Variants in CLVS1 observed in about 807,000 individuals in gnomAD.
CLVS1 encodes the protein clavesin 1.
A neutral mutation model predicts 33.1 loss-of-function variants in CLVS1; 10 were observed. The ratio of observed to expected loss-of-function variants is 0.30; its 90% CI spans 0.19 to 0.51. The LOEUF (loss-of-function observed/expected upper bound fraction) is 0.51. Among genes scored for constraint, CLVS1 ranks in the 20% least tolerant of loss-of-function variants. The pLI is 0.97. For synonymous variants in CLVS1, 163 were observed against 166.1 expected, an observed-to-expected ratio of 0.98 and a Z score of 0.14; for missense variants, 343 against 433.4, an observed-to-expected ratio of 0.79 and a Z score of 1.85.
chr8:61,037,441 T>C, the CLVS1 span, among the ~76,000 whole-genome samples: 2 of 152,208 alleles, frequency 1.3e-5, 1 homozygote, highest in Non-Finnish European at 2.9e-5. Flanking sequence ...GGTTCAGCCA[T>C]GTTGCAGGAA....
At chr8:61,381,223 C>T (rs1284342549) in intron 3 of CLVS1, among the ~76,000 whole-genome samples, 1 of 151,766 alleles carries the variant, frequency 6.6e-6, no homozygotes, top group Non-Finnish European at 1.5e-5. Context: ...CTTCTTCCAA[C>T]AGTTTTGAGC....
chr8:61,167,633 G>A (rs980498807), intron 2 of CLVS1, among the ~76,000 whole-genome samples: 1 of 152,222 alleles, frequency 6.6e-6, no homozygotes, highest in Non-Finnish European at 1.5e-5. Context: ...TGGGTAAAAT[G>A]AGGCTGAAAC....
chr8:61,382,573 A>C (rs1051723257), intron 3 of CLVS1, among the ~76,000 whole-genome samples: 1 of 152,168 alleles, frequency 6.6e-6, no homozygotes, highest in Non-Finnish European at 1.5e-5. Flanking sequence ...ATGCATATTA[A>C]AGTTTGAGAA....
chr8:60,991,271 A>G, the CLVS1 span, among the ~76,000 whole-genome samples: 1 of 152,136 alleles, frequency 6.6e-6, no homozygotes, highest in Non-Finnish European at 1.5e-5. Context: ...GGTAAAGAGG[A>G]AAAAAAATCT....
chr8:61,360,757 A>G (rs535597635), intron 2 of CLVS1, among the ~76,000 whole-genome samples: 1 of 152,282 alleles, frequency 6.6e-6, no homozygotes, highest in Admixed American at 6.5e-5. Flanking sequence ...AATAATAAAC[A>G]CAAGCTCTTT....
At position 61,202,509 on chromosome 8, in the gene CLVS1, A is replaced by G. The variant is rs186614573; in HGVS notation, c.-152+70649A>G. ...GAACGGTCAGTTTAGGGGCTGGTGC[A>G]AAGGATGAATTGCACATTGTTGAAG... On this transcript the variant is annotated intron_variant, in intron 2 of 2. Coordinates refer to the CLVS1 transcript ENST00000522621. 8.3e-5 allele frequency: 83 copies of G among 1,001,668 alleles called. No homozygotes were observed. In the African/African-American group the frequency reaches 1.2e-3, roughly 14 times the overall value. 62.0% of individuals were successfully genotyped at this position (1,001,668 alleles called of 1,614,324 possible). A position where few individuals can be genotyped will look rare whatever the true frequency, so the allele number is the denominator to read the frequency against.
intron 2 of CLVS1, among the ~76,000 whole-genome samples, chr8:61,178,885 C>T (rs1346878424): frequency 1.3e-5 from 2 of 152,122 alleles, no homozygotes; most frequent in Non-Finnish European, 2.9e-5. Flanking sequence ...TCCACCACTG[C>T]AAAAACACAC....
the CLVS1 span, among the ~76,000 whole-genome samples, chr8:61,022,354 T>A: frequency 2.0e-5 from 3 of 152,208 alleles, no homozygotes; most frequent in African/African-American, 4.8e-5. Context: ...AACGAGCAGC[T>A]TATGCCACAC....
At chr8:61,483,719 A>T (rs903554615) in intron 5 of CLVS1, among the ~76,000 whole-genome samples, 3 of 152,238 alleles carry the variant, frequency 2.0e-5, no homozygotes, top group African/African-American at 7.2e-5. Flanking sequence ...GGCAAACTGA[A>T]TGCAGCAGCA....
intron 2 of CLVS1, among the ~76,000 whole-genome samples, chr8:61,187,676 A>C (rs1254846383): frequency 6.6e-6 from 1 of 151,972 alleles, no homozygotes; most frequent in Admixed American, 6.6e-5. Context: ...CAGCAATGTC[A>C]GGCTTGGTTG....
intron 3 of CLVS1, among the ~76,000 whole-genome samples, chr8:61,415,608 C>T (rs1014152218): frequency 1.3e-5 from 2 of 152,226 alleles, no homozygotes; most frequent in African/African-American, 4.8e-5. Flanking sequence ...CATGGGATCA[C>T]AGAGCTTCCA....
At chr8:61,237,551 C>A (rs1259241012) in intron 2 of CLVS1, among the ~76,000 whole-genome samples, 3 of 152,352 alleles carry the variant, frequency 2.0e-5, no homozygotes, top group Non-Finnish European at 2.9e-5. Flanking sequence ...TTTCTCCAAA[C>A]TTCCTCAATT....
At chr8:61,306,627 CTT>C (rs1810636833) in intron 2 of CLVS1, among the ~76,000 whole-genome samples, 1 of 149,876 alleles carries the variant, frequency 6.7e-6, no homozygotes, top group Non-Finnish European at 1.5e-5. Context: ...GTAGATTTCT[CTT>C]TAATATATTG....
chr8:61,373,316 T>G (rs1813513989), intron 2 of CLVS1, among the ~76,000 whole-genome samples: 1 of 152,176 alleles, frequency 6.6e-6, no homozygotes, highest in South Asian at 2.1e-4. Context: ...CTGCCCAGTT[T>G]CTCTGGAAAA....
At chr8:61,021,547 A>G in the CLVS1 span, among the ~76,000 whole-genome samples, 2 of 148,860 alleles carry the variant, frequency 1.3e-5, no homozygotes, top group South Asian at 4.3e-4. Context: ...TTTTTAGTAG[A>G]GACGGGGTTT....
intron 5 of CLVS1, among the ~76,000 whole-genome samples, chr8:61,460,401 C>T (rs1015562347): frequency 6.6e-6 from 1 of 152,030 alleles, no homozygotes; most frequent in Non-Finnish European, 1.5e-5. Flanking sequence ...AACTGAGGGT[C>T]CTAGGAACTT....
the CLVS1 span, among the ~76,000 whole-genome samples, chr8:61,019,948 G>T: frequency 5.8e-3 from 890 of 152,208 alleles, 11 homozygotes; most frequent in African/African-American, 0.021. Flanking sequence ...CTGCAGTTGG[G>T]TTCATTTAGA....
intron 2 of CLVS1, among the ~76,000 whole-genome samples, chr8:61,142,700 T>C (rs1454707269): frequency 6.6e-6 from 1 of 152,216 alleles, no homozygotes; most frequent in African/African-American, 2.4e-5. Flanking sequence ...AGGCTTCTCA[T>C]GCTTGTCTTG....
intron 2 of CLVS1, among the ~76,000 whole-genome samples, chr8:61,192,776 T>C (rs1361684168): frequency 6.6e-6 from 1 of 152,126 alleles, no homozygotes; most frequent in Non-Finnish European, 1.5e-5. Context: ...AAAATGCTCA[T>C]CATCACTGGC....
Sources: allele counts gnomAD v4.1 joint callset (sites outside exome capture counted in the v4.1 genomes callset), GRCh38; gene constraint gnomAD v4.1.1; transcripts MANE v1.5; gene names NCBI Gene and HGNC (gene_info 2026-07-23, HGNC 2026-07-21).